LCOR: variants seen among roughly 807,000 people sequenced by gnomAD.
The protein encoded by LCOR is ligand dependent nuclear receptor corepressor.
LCOR carries 14 observed loss-of-function variants against 64.4 expected under a neutral mutation model. The observed-to-expected ratio is 0.22, with a 90% CI of 0.14 to 0.34. LCOR has a LOEUF of 0.34. Ranked by LOEUF, LCOR falls within the 10% of genes least tolerant of loss-of-function variation. LCOR has a pLI of 1.00. For synonymous variants in LCOR, 643 were observed against 642.5 expected (o/e 1.00, Z -0.01); for missense variants, 1,686 against 1,765.3 (o/e 0.96, Z 0.80).
At chr10:96,884,978 C>T (rs902979012) in intron 2 of LCOR, among the ~76,000 whole-genome samples, 109 of 152,196 alleles carry the variant, frequency 7.2e-4, no homozygotes, top group African/African-American at 2.4e-3. Context: ...AGTGGGTATA[C>T]GTGTGCACTT....
intron 4 of LCOR, among the ~76,000 whole-genome samples, chr10:96,916,074 C>G (rs928025812): frequency 6.6e-6 from 1 of 152,038 alleles, no homozygotes; most frequent in African/African-American, 2.4e-5. Context: ...TTCTGTTGCC[C>G]AGGCTGGAGT....
At chr10:96,861,894 A>C (rs1845893945) in intron 2 of LCOR, among the ~76,000 whole-genome samples, 1 of 152,142 alleles carries the variant, frequency 6.6e-6, no homozygotes, top group African/African-American at 2.4e-5. Context: ...CAGATCCCAC[A>C]TGTAAGGTCT....
At position 96,988,347 on chromosome 10, in the gene LCOR, C is replaced by G. The variant is rs2134570499; in HGVS notation, c.*3213C>G. On this transcript the variant is annotated 3_prime_UTR_variant, in exon 8 of 8. Transcript: ENST00000421806. ...TCACCAGTCACTAGCCCCTTGGATT[C>G]CTTGTTAAAGACTTCTGTGCAGCCT... 1 of 152,306 alleles carries G rather than the reference C, an allele frequency of 6.6e-6. No homozygotes were observed. The highest frequency in any genetic ancestry group is 1.9e-4 in the East Asian group (1 of 5,182). The allele number at this position is 152,306 out of a possible 1,614,324, so 9.4% of individuals were successfully genotyped here.
At chr10:96,852,956 A>G (rs1845744650) in intron 2 of LCOR, among the ~76,000 whole-genome samples, 1 of 152,232 alleles carries the variant, frequency 6.6e-6, no homozygotes. Context: ...GAAGTTAAAC[A>G]TTGGTTCTCC....
chr10:96,944,206 C>A lies in LCOR; in HGVS notation c.-90C>A. 1.0e-6 allele frequency: 1 copy of A among 985,632 alleles called. No individual in the cohort carries two copies. 61.1% of individuals were successfully genotyped at this position (985,632 alleles called of 1,614,324 possible). ...AGCAAAAATCATTCGATTCGAGAGA[C>A]AAGCAGAAGAATTCCTCAATGCAGT... On this transcript the variant is annotated 5_prime_UTR_variant, in exon 5 of 8. Transcript: ENST00000421806.
At chr10:96,868,674 G>A (rs933222275) in intron 2 of LCOR, among the ~76,000 whole-genome samples, 1 of 152,116 alleles carries the variant, frequency 6.6e-6, no homozygotes, top group South Asian at 2.1e-4. Context: ...CTAACCTTTC[G>A]TATCAGATCA....
chr10:96,833,954 A>G (rs1020602910), intron 2 of LCOR, among the ~76,000 whole-genome samples: 7 of 152,208 alleles, frequency 4.6e-5, no homozygotes, highest in African/African-American at 7.2e-5. Context: ...GAAGAATTAC[A>G]GCACTTGGTT....
chr10:96,850,681 C>T (rs1845708921), intron 2 of LCOR, among the ~76,000 whole-genome samples: 1 of 152,098 alleles, frequency 6.6e-6, no homozygotes, highest in Non-Finnish European at 1.5e-5. Flanking sequence ...AACCCTTGAG[C>T]TCAAGCAGTC....
At position 96,984,517 on chromosome 10, in the gene LCOR, C is replaced by G; in HGVS notation, c.4057C>G (p.Pro1353Ala). Residue 1353 changes from proline (P) to alanine (A), a missense_variant, in exon 8 of 8, where the codon CCT becomes GCT. Coordinates refer to ENST00000421806, the MANE Select transcript of LCOR (RefSeq NM_001346516.2). ...KPSRKSVCINPLMSPKLALQV... is the reference protein window; with the variant it reads ...KPSRKSVCINALMSPKLALQV... ...AAGTCGTAAGAGCGTATGCATCAAC[C>G]CTCTGATGTCCCCCAAGCTTGCCCT... 1 of 1,614,200 alleles carries G rather than the reference C, an allele frequency of 6.2e-7. No homozygotes were observed. Among genetic ancestry groups the G allele is most frequent in the South Asian group, 1.1e-5 (1 of 91,078 alleles).
At chr10:96,934,850 C>T (rs1255558016) in intron 4 of LCOR, among the ~76,000 whole-genome samples, 1 of 152,170 alleles carries the variant, frequency 6.6e-6, no homozygotes, top group Non-Finnish European at 1.5e-5. Context: ...GAGCTGCTCG[C>T]CTCGGCCTCC....
chr10:96,931,167 C>T (rs1029303119), intron 4 of LCOR, among the ~76,000 whole-genome samples: 1 of 151,504 alleles, frequency 6.6e-6, no homozygotes, highest in Admixed American at 6.6e-5. Flanking sequence ...TATCTCAGCC[C>T]ATTTAGTATT....
intron 4 of LCOR, among the ~76,000 whole-genome samples, chr10:96,943,047 GAT>G (rs2134513082): frequency 6.6e-6 from 1 of 152,266 alleles, no homozygotes; most frequent in African/African-American, 2.4e-5. Flanking sequence ...TCTCGGGGAT[GAT>G]TATAGTGCAG....
Position 96,983,152 on chromosome 10 carries a change from G to A in LCOR, c.2692G>A (p.Glu898Lys), listed in dbSNP as rs772429846. 4 of 1,614,112 alleles carry A rather than the reference G, an allele frequency of 2.5e-6. No homozygotes were observed. Among genetic ancestry groups the A allele is most frequent in the Admixed American group, 3.3e-5 (2 of 60,028 alleles). Residue 898 changes from glutamate to lysine, a missense_variant, in exon 8 of 8, where the codon GAG becomes AAG. Around this residue, in one of 3 missense-constraint regions of LCOR, gnomAD observed 1,293 missense variants for 1,410.4 expected, o/e 0.92. Coordinates refer to ENST00000421806, the MANE Select transcript of LCOR (RefSeq NM_001346516.2). The surrounding 1 kb of genome is among the most constrained non-coding windows in gnomAD (Gnocchi z 4.5). ...VNERPSEKDA[E>K]QEGEGGGIIT... ...TGAACGCCCCTCTGAGAAAGATGCTGAGCAGGAGGGCGAAGGCGGGGGGAT... is the reference window on the plus strand; with the variant it reads ...TGAACGCCCCTCTGAGAAAGATGCTAAGCAGGAGGGCGAAGGCGGGGGGAT...
In LCOR at chr10:96,985,869, C is replaced by A. The variant is rs928279262; in HGVS notation, c.*735C>A. On this transcript the variant is annotated 3_prime_UTR_variant, in exon 8 of 8. Transcript: ENST00000421806. ...TTTTTGTTTACAAACTCTAAAAAAT[C>A]ATTTGCATCCCCAAACTGTATTACT... 1.2e-5 allele frequency: 2 copies of A among 167,018 alleles called. No homozygotes were observed. Among genetic ancestry groups the A allele is most frequent in the Non-Finnish European group, 2.9e-5 (2 of 68,094 alleles). 10.3% of individuals were successfully genotyped at this position (167,018 alleles called of 1,614,324 possible).
chr10:96,884,690 C>T (rs1314213739), intron 2 of LCOR, among the ~76,000 whole-genome samples: 1 of 152,190 alleles, frequency 6.6e-6, no homozygotes, highest in Non-Finnish European at 1.5e-5. Flanking sequence ...GAACAAGCTG[C>T]CCGATGCTGA....
intron 7 of LCOR, among the ~76,000 whole-genome samples, chr10:96,972,487 C>G (rs1026117442): frequency 2.0e-5 from 3 of 152,290 alleles, no homozygotes; most frequent in South Asian, 2.1e-4. Context: ...GACCCTTGCT[C>G]TGACTTCCTG....
chr10:96,958,129 G>A (rs181619932), intron 7 of LCOR: 42 of 1,177,298 alleles, frequency 3.6e-5, no homozygotes, highest in East Asian at 3.0e-4. Flanking sequence ...ACCTTTTTGC[G>A]TAATGTTTGG....
chr10:96,981,614 A>G lies in LCOR; in HGVS notation c.1154A>G (p.Glu385Gly). The G allele has an allele frequency of 6.2e-7, 1 of 1,614,252 alleles. No homozygotes were observed. Among genetic ancestry groups the G allele is most frequent in the Admixed American group, 1.7e-5 (1 of 60,034 alleles). ...TTGCGCCAGGATTTAGAGGCAAATG[A>G]ACAAGATGCAAGGCCAAAGCAAGAG... ...TPLRQDLEAN[E>G]QDARPKQENH... The change falls in exon 8 of 8, where the codon GAA (glutamate) becomes GGA (glycine). Residue 385 changes from glutamate to glycine, a missense_variant. Coordinates refer to ENST00000421806, the MANE Select transcript of LCOR (RefSeq NM_001346516.2).
chr10:96,936,371 G>A (rs891253566), intron 4 of LCOR, among the ~76,000 whole-genome samples: 7 of 152,196 alleles, frequency 4.6e-5, no homozygotes, highest in Non-Finnish European at 8.8e-5. Flanking sequence ...CAGGCAGAAA[G>A]AGAGAAATAA....
Sources: gnomAD v4.1 joint callset for allele counts (sites outside exome capture counted in the v4.1 genomes callset) on GRCh38, gnomAD v4.1.1 for gene constraint, gnomAD v4.1.1 regional missense constraint, Gnocchi (gnomAD v3.1) non-coding constraint, MANE v1.5 for transcripts, NCBI Gene and HGNC (gene_info 2026-07-23, HGNC 2026-07-21) for gene names.